Variants in SORBS2 observed in about 807,000 individuals in gnomAD.
SORBS2 encodes the protein sorbin and SH3 domain-containing protein 2.
SORBS2 carries 46 observed loss-of-function variants against 97.7 expected under a neutral mutation model. The observed-to-expected ratio is 0.47, with a 90% CI of 0.37 to 0.60. The LOEUF is 0.60. Among genes scored for constraint, SORBS2 ranks in the 20% least tolerant of loss-of-function variants. SORBS2 has a pLI of 0.00. For missense variants in SORBS2, 1,316 were observed against 1,282.3 expected, an observed-to-expected ratio of 1.03 and a Z score of -0.40; for synonymous variants, 476 against 473.4, an observed-to-expected ratio of 1.01 and a Z score of -0.07.
intron 1 of SORBS2, among the ~76,000 whole-genome samples, chr4:185,952,849 A>G (rs796111377): frequency 3.9e-4 from 60 of 152,178 alleles, no homozygotes; most frequent in African/African-American, 1.4e-3. Flanking sequence ...CTTCCTACAA[A>G]CAGCATGAGT....
exon 7 of SORBS2, chr4:185,624,240 C>T (rs774990892): frequency 1.9e-6 from 3 of 1,614,076 alleles, no homozygotes; most frequent in Non-Finnish European, 2.5e-6. Flanking sequence ...GGGAAGCTAT[C>T]GCAGTCGTCG....
intron 1 of SORBS2, among the ~76,000 whole-genome samples, chr4:185,947,377 G>A (rs946356466): frequency 6.6e-6 from 1 of 152,122 alleles, no homozygotes; most frequent in South Asian, 2.1e-4. Flanking sequence ...TTCAAACTTT[G>A]GAGGTGATGT....
chr4:185,817,937 T>C (rs1327482457), intron 1 of SORBS2, among the ~76,000 whole-genome samples: 1 of 152,208 alleles, frequency 6.6e-6, no homozygotes, highest in Non-Finnish European at 1.5e-5. Context: ...GCCCAAGTGA[T>C]GTATTAATAC....
intron 4 of SORBS2, among the ~76,000 whole-genome samples, chr4:185,640,243 C>T (rs1356421328): frequency 6.6e-6 from 1 of 152,066 alleles, no homozygotes; most frequent in African/African-American, 2.4e-5. Context: ...CAATGAGATA[C>T]CAAGCAGTCA....
Position 185,684,832 on chromosome 4 carries a change from C to A in SORBS2, c.-197-6010G>T. The A allele has an allele frequency of 1.3e-6, 2 of 1,551,836 alleles. No individual in the cohort carries two copies. The highest frequency in any genetic ancestry group is 1.7e-6 in the Non-Finnish European group (2 of 1,146,986). ...ACAGACATGGCGGCACGTTTGCGAGCACACCCACCGCTATCTGGAAGCAAA... is the reference window on the plus strand; with the variant it reads ...ACAGACATGGCGGCACGTTTGCGAGAACACCCACCGCTATCTGGAAGCAAA... On this transcript the variant is annotated intron_variant, in intron 2 of 20. Coordinates refer to the SORBS2 transcript ENST00000284776. The surrounding 1 kb of genome is among the most constrained non-coding windows in gnomAD (Gnocchi z 4.2).
intron 2 of SORBS2, among the ~76,000 whole-genome samples, chr4:185,706,432 A>G (rs2098342267): frequency 6.6e-6 from 1 of 152,198 alleles, no homozygotes; most frequent in East Asian, 1.9e-4. Context: ...GTAGCAATGG[A>G]GAATGATTAT....
intron 1 of SORBS2, among the ~76,000 whole-genome samples, chr4:185,832,481 G>A (rs886287378): frequency 1.3e-5 from 2 of 152,164 alleles, no homozygotes; most frequent in African/African-American, 2.4e-5. Context: ...CAATGATTTT[G>A]ATTTGTGTCA....
At chr4:185,687,557 G>A (rs2097992372) in intron 2 of SORBS2, among the ~76,000 whole-genome samples, 1 of 152,190 alleles carries the variant, frequency 6.6e-6, no homozygotes, top group Non-Finnish European at 1.5e-5. Flanking sequence ...AAGTTATTAA[G>A]TTGTTAGCAC....
intron 4 of SORBS2, among the ~76,000 whole-genome samples, chr4:185,674,912 A>G (rs905383932): frequency 6.6e-6 from 1 of 152,182 alleles, no homozygotes; most frequent in Non-Finnish European, 1.5e-5. Context: ...CAATTTCCAT[A>G]ATCTTCTAAT....
chr4:185,907,834 C>T (rs189016097), intron 1 of SORBS2, among the ~76,000 whole-genome samples: 4 of 152,258 alleles, frequency 2.6e-5, no homozygotes, highest in Admixed American at 2.0e-4. Context: ...TCTCCTTGTA[C>T]AAATGTGCCT....
At chr4:185,683,578 A>G (rs1252374071) in intron 2 of SORBS2, among the ~76,000 whole-genome samples, 1 of 152,204 alleles carries the variant, frequency 6.6e-6, no homozygotes, top group Non-Finnish European at 1.5e-5. Flanking sequence ...TGCATGAGCC[A>G]CTACATACAA....
intron 2 of SORBS2, among the ~76,000 whole-genome samples, chr4:185,762,744 ATT>A (rs1003011566): frequency 6.6e-6 from 1 of 152,178 alleles, no homozygotes; most frequent in Non-Finnish European, 1.5e-5. Context: ...ATTCAAAATT[ATT>A]TTTTGTGTCA....
chr4:185,713,333 T>C (rs1442226747), intron 2 of SORBS2, among the ~76,000 whole-genome samples: 1 of 152,190 alleles, frequency 6.6e-6, no homozygotes, highest in Non-Finnish European at 1.5e-5. Flanking sequence ...CCATATAAAA[T>C]GCAGTCCTCC....
chr4:185,872,034 T>G (rs956778339), intron 1 of SORBS2, among the ~76,000 whole-genome samples: 1 of 152,258 alleles, frequency 6.6e-6, no homozygotes, highest in African/African-American at 2.4e-5. Context: ...TTTAAAAACT[T>G]TACGTGTGTA....
rs9992187 is a variant in SORBS2, at chr4:185,911,443, G to A, written c.-338+44753C>T. On this transcript the variant is annotated intron_variant, in intron 1 of 20. Coordinates refer to the SORBS2 transcript ENST00000284776. The stretch of plus-strand genomic sequence containing the variant: ...GGAGTCTCACTATATTGCTCAGGCT[G>A]GTCTTGAACTCCTGGGCTCAGTCTT... Among the ~76,000 whole-genome samples, 878 of 152,030 alleles carry A rather than the reference G, an allele frequency of 5.8e-3. 10 individuals are homozygous for A. Among genetic ancestry groups the A allele is most frequent in the African/African-American group, 0.02 (844 of 41,442 alleles).
chr4:185,743,896 T>TCTTCTC (rs958460937), intron 2 of SORBS2, among the ~76,000 whole-genome samples: 3 of 146,744 alleles, frequency 2.0e-5, no homozygotes, highest in Non-Finnish European at 4.5e-5. Context: ...TCCTCCTTCT[T>TCTTCTC]CTTCTCCTTC....
At chr4:185,725,548 C>T (rs183058877) in intron 2 of SORBS2, among the ~76,000 whole-genome samples, 8 of 152,252 alleles carry the variant, frequency 5.3e-5, no homozygotes, top group Admixed American at 4.6e-4. Flanking sequence ...GTGGCAAGAA[C>T]CCCAAGTAAT....
At chr4:185,646,536 A>G in intron 4 of SORBS2, 132 bp downstream of exon 13, 1 of 606,942 alleles carries the variant, frequency 1.6e-6, no homozygotes, top group Non-Finnish European at 3.0e-6. Context: ...ACAAATCATT[A>G]TACAAAATAA....
At chr4:185,923,472 A>ATTTTTTTTTTTATTTTTTTTTTTTTTTTT (rs2099261966) in intron 1 of SORBS2, among the ~76,000 whole-genome samples, 1 of 110,478 alleles carries the variant, frequency 9.1e-6, no homozygotes, top group Non-Finnish European at 1.8e-5. Context: ...CTTTTTTTTA[A>ATTTTTTTTTTTATTTTTTTTTTTTTTTTT]TTTTTTTTTT....
Sources: allele counts gnomAD v4.1 joint callset (sites outside exome capture counted in the v4.1 genomes callset), GRCh38; gene constraint gnomAD v4.1.1; non-coding constraint Gnocchi (gnomAD v3.1); transcripts MANE v1.5; gene names NCBI Gene and HGNC (gene_info 2026-07-23, HGNC 2026-07-21).